PCNX1: variants seen among roughly 807,000 people sequenced by gnomAD.
PCNX1 encodes the protein pecanex-like protein 1.
In PCNX1, 78 loss-of-function variants were observed where a neutral mutation model predicts 242.2. The ratio of observed to expected loss-of-function variants is 0.32; its 90% CI spans 0.27 to 0.39. The LOEUF (loss-of-function observed/expected upper bound fraction) is 0.39. Ranked by LOEUF, PCNX1 falls within the 10% of genes least tolerant of loss-of-function variation. The pLI is 1.00. For missense variants in PCNX1, 2,581 were observed against 2,856.5 expected (o/e 0.90, Z 2.20); for synonymous variants, 1,024 against 1,032.9 (o/e 0.99, Z 0.17).
intron 1 of PCNX1, among the ~76,000 whole-genome samples, chr14:70,934,392 G>A (rs1476733110): frequency 2.7e-5 from 3 of 109,932 alleles, no homozygotes; most frequent in Non-Finnish European, 6.6e-5. Flanking sequence ...TATCCATCTA[G>A]CTTAAAAAAA....
chr14:70,928,168 C>T (rs1174657831), intron 1 of PCNX1, among the ~76,000 whole-genome samples: 1 of 151,990 alleles, frequency 6.6e-6, no homozygotes, highest in African/African-American at 2.4e-5. Flanking sequence ...TATAGTTATA[C>T]TTTTATATAG....
In PCNX1 at chr14:71,103,627, G is replaced by T. The variant is rs1393563413; in HGVS notation, c.6053G>T (p.Ser2018Ile). The T allele has an allele frequency of 6.2e-7, 1 of 1,613,996 alleles. No individual in the cohort carries two copies. The highest frequency in any genetic ancestry group is 1.3e-5 in the African/African-American group (1 of 74,910). The change falls in exon 32 of 36, where the codon AGC (serine) becomes ATC (isoleucine). Residue 2018 changes from serine (S) to isoleucine (I), a missense_variant. Coordinates refer to ENST00000304743, the MANE Select transcript of PCNX1 (RefSeq NM_014982.3). ...AAAGACATTCTTGGGGGTCCTATCAGCTTGGGAAATATCAGGAACTTCATA... is the reference window on the plus strand; with the variant it reads ...AAAGACATTCTTGGGGGTCCTATCATCTTGGGAAATATCAGGAACTTCATA... Reference protein sequence around the residue: ...QLKDILGGPISLGNIRNFIVS... With the variant: ...QLKDILGGPIILGNIRNFIVS...
intron 28 of PCNX1, among the ~76,000 whole-genome samples, chr14:71,084,302 G>A (rs747548104): frequency 3.3e-5 from 5 of 152,192 alleles, no homozygotes; most frequent in Non-Finnish European, 5.9e-5. Context: ...CCCGGGAGGC[G>A]TCTCCCAGTC....
chr14:70,947,034 A>G lies in PCNX1; in HGVS notation c.273A>G (p.Val91=). 1 of 1,613,954 alleles carries G rather than the reference A, an allele frequency of 6.2e-7. No homozygotes were observed. Among genetic ancestry groups the G allele is most frequent in the Non-Finnish European group, 8.5e-7 (1 of 1,179,916 alleles). The change falls in exon 2 of 36, where the codon GTA becomes GTG. Residue 91 remains valine, a synonymous_variant. Coordinates refer to ENST00000304743, the MANE Select transcript of PCNX1 (RefSeq NM_014982.3). The stretch of plus-strand genomic sequence containing the variant: ...GAGCACTTGATGCTGGAGAAGTTGT[A>G]GATAGGACTGCAAATGAGTTCACGG... ...LHRALDAGEV[V]DRTANEFTDQ...
intron 30 of PCNX1, among the ~76,000 whole-genome samples, chr14:71,089,738 A>T (rs2270040): frequency 0.12 from 17,865 of 152,236 alleles, 1,116 homozygotes; most frequent in Middle Eastern, 0.24. Context: ...TGGGAACTAT[A>T]ATTCAAGATG....
At position 71,103,762 on chromosome 14, in the gene PCNX1, T is replaced by C. The variant is rs2062527341; in HGVS notation, c.6095+93T>C. 2.6e-6 allele frequency: 3 copies of C among 1,153,046 alleles called. No homozygotes were observed. In the Admixed American group the frequency reaches 6.0e-5, roughly 23 times the overall value. 71.4% of individuals were successfully genotyped at this position (1,153,046 alleles called of 1,614,324 possible). On this transcript the variant is annotated intron_variant, in intron 32 of 35. Transcript: ENST00000304743. ...TCACCTGGGAAGCTTGTAGAAAAAA[T>C]TACAGGTGCCATGGTACAATATGAA...
chr14:71,020,812 G>A (rs1595268835), intron 12 of PCNX1, among the ~76,000 whole-genome samples: 1 of 152,276 alleles, frequency 6.6e-6, no homozygotes, highest in Middle Eastern at 3.4e-3. Flanking sequence ...TTGCTTTGGT[G>A]TTTTAGTCAT....
intron 30 of PCNX1, among the ~76,000 whole-genome samples, chr14:71,096,678 T>C (rs958283809): frequency 6.6e-6 from 1 of 151,694 alleles, no homozygotes; most frequent in Admixed American, 6.6e-5. Flanking sequence ...ATTAGGAGAG[T>C]TGGTGTATGA....
At chr14:70,937,611 G>A (rs1456697024) in intron 1 of PCNX1, among the ~76,000 whole-genome samples, 3 of 152,120 alleles carry the variant, frequency 2.0e-5, no homozygotes, top group Admixed American at 6.6e-5. Flanking sequence ...TGTCTTGGCA[G>A]TGCGGGCTCT....
chr14:70,998,399 G>A (rs972460238), intron 8 of PCNX1, among the ~76,000 whole-genome samples: 6 of 151,992 alleles, frequency 3.9e-5, no homozygotes, highest in African/African-American at 1.2e-4. Context: ...TATTCAGCAA[G>A]CAAAATTGTT....
chr14:70,942,162 C>G (rs540948847), intron 1 of PCNX1, among the ~76,000 whole-genome samples: 1 of 152,124 alleles, frequency 6.6e-6, no homozygotes, highest in Non-Finnish European at 1.5e-5. Context: ...GAGGTGAACC[C>G]TGTACCTCAT....
chr14:71,067,397 T>A (rs2061474722), intron 26 of PCNX1, among the ~76,000 whole-genome samples: 1 of 152,200 alleles, frequency 6.6e-6, no homozygotes. Flanking sequence ...CTAGTTTATT[T>A]GCATAGGGGT....
At chr14:70,961,582 G>A (rs951583363) in intron 2 of PCNX1, among the ~76,000 whole-genome samples, 1 of 152,004 alleles carries the variant, frequency 6.6e-6, no homozygotes, top group Non-Finnish European at 1.5e-5. Context: ...TCTCTTTTTT[G>A]TCTTTCTGTA....
intron 5 of PCNX1, among the ~76,000 whole-genome samples, chr14:70,976,282 T>C (rs937689009): frequency 1.1e-4 from 17 of 152,134 alleles, no homozygotes; most frequent in Non-Finnish European, 2.1e-4. Flanking sequence ...TAACCCAAAG[T>C]TACCAAGTTA....
intron 1 of PCNX1, among the ~76,000 whole-genome samples, chr14:70,914,463 C>T (rs912532595): frequency 6.6e-6 from 1 of 152,116 alleles, no homozygotes; most frequent in African/African-American, 2.4e-5. Context: ...AGTGTTTTCT[C>T]CCACTTGAAA....
intron 30 of PCNX1, among the ~76,000 whole-genome samples, chr14:71,097,012 G>A (rs1329079296): frequency 2.0e-5 from 3 of 151,916 alleles, no homozygotes; most frequent in Non-Finnish European, 2.9e-5. Context: ...ACCCCGCACC[G>A]GCATCTCCTA....
intron 11 of PCNX1, among the ~76,000 whole-genome samples, chr14:71,017,978 C>CAAAGTTA (rs2060002874): frequency 6.6e-6 from 1 of 152,092 alleles, no homozygotes. Flanking sequence ...TAATTCCTTA[C>CAAAGTTA]CTATTGTAGA....
At chr14:70,989,665 G>C (rs577475601) in intron 7 of PCNX1, among the ~76,000 whole-genome samples, 4 of 151,952 alleles carry the variant, frequency 2.6e-5, no homozygotes, top group African/African-American at 9.7e-5. Flanking sequence ...GAGGAGCTGG[G>C]ATTACAGGTG....
Position 70,994,396 on chromosome 14 carries a change from G to GATATATATATATAT in PCNX1, c.2445-1324_2445-1311dup, listed in dbSNP as rs35068772. Among the ~76,000 whole-genome samples, 743 of 96,734 alleles carry GATATATATATATAT rather than the reference G, an allele frequency of 7.7e-3. 28 individuals carry two copies. Among genetic ancestry groups the GATATATATATATAT allele is most frequent in the South Asian group, 0.016 (39 of 2,408 alleles). The allele number at this position is 96,734 out of a possible 152,430, so 63.5% of individuals were successfully genotyped here. The stretch of plus-strand genomic sequence containing the variant: ...TCTATTATCATAACCACAGGCTTAA[G>GATATATATATATAT]ATATATATATATATATATATATATA... On this transcript the variant is annotated intron_variant, in intron 7 of 35. Coordinates refer to ENST00000304743, the MANE Select transcript of PCNX1 (RefSeq NM_014982.3).
Sources: allele counts gnomAD v4.1 joint callset (sites outside exome capture counted in the v4.1 genomes callset), GRCh38; gene constraint gnomAD v4.1.1; transcripts MANE v1.5; gene names NCBI Gene and HGNC (gene_info 2026-07-23, HGNC 2026-07-21).